The following CTNNA3 variants were observed in gnomAD, a reference collection of about 807,000 sequenced individuals.
CTNNA3 encodes catenin alpha-3.
CTNNA3 carries 76 observed loss-of-function variants against 95.7 expected under a neutral mutation model. That is an observed-to-expected ratio of 0.79 (90% CI 0.66 to 0.96). CTNNA3 has a LOEUF of 0.96. Among genes scored for constraint, CTNNA3 ranks in the 40% least tolerant of loss-of-function variants. CTNNA3 has a pLI of 0.00. For missense variants in CTNNA3, 1,191 were observed against 1,089.8 expected (o/e 1.09, Z -1.31); for synonymous variants, 431 against 374.4 (o/e 1.15, Z -1.74).
At chr10:66,841,134 G>T (rs910228819) in intron 7 of CTNNA3, among the ~76,000 whole-genome samples, 5 of 152,144 alleles carry the variant, frequency 3.3e-5, no homozygotes, top group Non-Finnish European at 7.4e-5. Context: ...AGAGAAGCAT[G>T]AATAAATAAA....
intron 7 of CTNNA3, among the ~76,000 whole-genome samples, chr10:67,014,772 G>GA (rs959526037): frequency 2.5e-4 from 37 of 150,502 alleles, no homozygotes; most frequent in African/African-American, 7.6e-4. Context: ...CCATTTATCA[G>GA]AAAAAAAACA....
rs1359321241 is a variant in CTNNA3, at chr10:67,180,375, G to A, written c.989C>T (p.Ala330Val). The change falls in exon 7 of 18, where the codon GCA (alanine) becomes GTA (valine). Residue 330 changes from alanine to valine, a missense_variant. Physicochemically the swap from Ala to Val is moderately conservative, Grantham distance 64. Coordinates refer to ENST00000433211, the MANE Select transcript of CTNNA3 (RefSeq NM_013266.4). ...AGCCTGGCGAATGGCGTTGCATTCT[G>A]CGATAATCCGCTCTCGGTGTAAGTC... Reference protein sequence around the residue: ...TRDLHRERIIAECNAIRQALQ... With the variant: ...TRDLHRERIIVECNAIRQALQ... 1.9e-6 allele frequency: 3 copies of A among 1,613,656 alleles called. No homozygotes were observed. In the African/African-American group the frequency reaches 4.0e-5, roughly 22 times the overall value.
At chr10:67,295,967 A>G (rs1237971899) in intron 5 of CTNNA3, among the ~76,000 whole-genome samples, 1 of 152,182 alleles carries the variant, frequency 6.6e-6, no homozygotes, top group Non-Finnish European at 1.5e-5. Flanking sequence ...TGCGCAGTTC[A>G]TTGCAGTGCC....
rs571399528 is a variant in CTNNA3, at chr10:67,619,811, A to G, written c.100-12762T>C. Among the ~76,000 whole-genome samples, 5 of 152,308 alleles carry G rather than the reference A, an allele frequency of 3.3e-5. No homozygotes were observed. The East Asian group carries it at 9.7e-4, about 29-fold the overall frequency. ...CATTTATCTTCAAGACTTTGAAAGAAAATTGTTTTATGAGCTCCCCTGCAC... is the reference window on the plus strand; with the variant it reads ...CATTTATCTTCAAGACTTTGAAAGAGAATTGTTTTATGAGCTCCCCTGCAC... On this transcript the variant is annotated intron_variant, in intron 2 of 17. Transcript: ENST00000433211.
At position 67,414,735 on chromosome 10, in the gene CTNNA3, C is replaced by G. The variant is rs140217865; in HGVS notation, c.579+107107G>C. Among the ~76,000 whole-genome samples, 238 of 152,284 alleles carry G rather than the reference C, an allele frequency of 1.6e-3. 6 individuals carry two copies. The East Asian group carries it at 0.038, about 24-fold the overall frequency. ...AGCACATCAAAAAGTTAATACACCA[C>G]AATCAAGTAGGCTTTATTCTTGGGA... On this transcript the variant is annotated intron_variant, in intron 5 of 17. Transcript: ENST00000433211.
intron 7 of CTNNA3, among the ~76,000 whole-genome samples, chr10:66,912,990 A>T (rs1846286041): frequency 6.6e-6 from 1 of 151,984 alleles, no homozygotes; most frequent in African/African-American, 2.4e-5. Context: ...CTGTAATCCC[A>T]GCACTTTGGG....
chr10:67,493,764 T>C (rs2133085157), intron 5 of CTNNA3, among the ~76,000 whole-genome samples: 1 of 152,244 alleles, frequency 6.6e-6, no homozygotes, highest in African/African-American at 2.4e-5. Context: ...ATGTAGTTAG[T>C]AAGCAGGTCA....
At chr10:65,922,641 C>G (rs953554221) in intron 17 of CTNNA3, among the ~76,000 whole-genome samples, 3 of 151,982 alleles carry the variant, frequency 2.0e-5, no homozygotes, top group Non-Finnish European at 4.4e-5. Context: ...CCTGATTAAC[C>G]AAACTTTTTT....
chr10:67,394,791 T>C (rs1330361535), intron 5 of CTNNA3, among the ~76,000 whole-genome samples: 3 of 152,148 alleles, frequency 2.0e-5, no homozygotes, highest in South Asian at 4.1e-4. Flanking sequence ...TGTGGCATTT[T>C]TTTTTATTAC....
At chr10:67,415,579 C>G (rs1845513016) in intron 5 of CTNNA3, among the ~76,000 whole-genome samples, 1 of 152,144 alleles carries the variant, frequency 6.6e-6, no homozygotes, top group South Asian at 2.1e-4. Context: ...CTGCCTAAAG[C>G]AATTTACAGT....
At chr10:67,417,910 T>C (rs1257000659) in intron 5 of CTNNA3, among the ~76,000 whole-genome samples, 1 of 152,178 alleles carries the variant, frequency 6.6e-6, no homozygotes, top group African/African-American at 2.4e-5. Flanking sequence ...TTACACAATG[T>C]TCATAGCAAC....
At chr10:66,211,331 T>TA (rs2088140650) in intron 13 of CTNNA3, among the ~76,000 whole-genome samples, 1 of 152,162 alleles carries the variant, frequency 6.6e-6, no homozygotes, top group Non-Finnish European at 1.5e-5. Context: ...ACAAAAGCTC[T>TA]AAAGGGCTCC....
At chr10:66,571,991 T>C (rs1589437197) in intron 10 of CTNNA3, among the ~76,000 whole-genome samples, 1 of 152,300 alleles carries the variant, frequency 6.6e-6, no homozygotes, top group African/African-American at 2.4e-5. Flanking sequence ...AGAGTCCATG[T>C]TCTTAACCAC....
rs1184261695 is a variant in CTNNA3, at chr10:66,457,222, G to A, written c.1531+63395C>T. Among the ~76,000 whole-genome samples, 7 of 152,104 alleles carry A rather than the reference G, an allele frequency of 4.6e-5. 1 individual carries two copies. The highest frequency in any genetic ancestry group is 1.7e-4 in the African/African-American group (7 of 41,444). Reference sequence around the variant, plus strand: ...CAGATCAGTTAGATTTTGTCAAAATGTAAAACTTTTGCTTTACAAAAGACA... The same window carrying A: ...CAGATCAGTTAGATTTTGTCAAAATATAAAACTTTTGCTTTACAAAAGACA... On this transcript the variant is annotated intron_variant, in intron 11 of 17. Coordinates refer to ENST00000433211, the MANE Select transcript of CTNNA3 (RefSeq NM_013266.4).
chr10:66,443,516 C>T (rs183593037), intron 11 of CTNNA3, among the ~76,000 whole-genome samples: 34 of 152,300 alleles, frequency 2.2e-4, no homozygotes, highest in Non-Finnish European at 4.4e-4. Flanking sequence ...CGCTGTTCTA[C>T]AGCCACTGCT....
chr10:66,037,312 C>A (rs72791471), intron 15 of CTNNA3, among the ~76,000 whole-genome samples: 2,659 of 152,238 alleles, frequency 0.017, 33 homozygotes, highest in Non-Finnish European at 0.028. Context: ...AGAATAAACA[C>A]TAGTTAATAT....
chr10:67,534,394 G>A (rs972983805), intron 4 of CTNNA3, among the ~76,000 whole-genome samples: 1 of 152,056 alleles, frequency 6.6e-6, no homozygotes, highest in African/African-American at 2.4e-5. Context: ...AATAAGCAGG[G>A]GCCAAGTGGA....
intron 7 of CTNNA3, among the ~76,000 whole-genome samples, chr10:66,911,296 G>A (rs1265484278): frequency 6.6e-6 from 1 of 152,152 alleles, no homozygotes; most frequent in Admixed American, 6.5e-5. Context: ...TAAAAAATTT[G>A]TATAGTTCCC....
At chr10:66,543,429 A>G (rs1427591910) in intron 10 of CTNNA3, among the ~76,000 whole-genome samples, 1 of 152,164 alleles carries the variant, frequency 6.6e-6, no homozygotes, top group African/African-American at 2.4e-5. Flanking sequence ...CAGCCATGAA[A>G]AATTACATTA....
Sources: allele counts gnomAD v4.1 joint callset (sites outside exome capture counted in the v4.1 genomes callset), GRCh38; gene constraint gnomAD v4.1.1; transcripts MANE v1.5; gene names NCBI Gene and HGNC (gene_info 2026-07-23, HGNC 2026-07-21).